CUBN: variants seen among roughly 807,000 people sequenced by gnomAD.
CUBN encodes 460 kDa receptor.
A neutral mutation model predicts 405.3 loss-of-function variants in CUBN; 282 were observed. The observed-to-expected ratio is 0.70, with a 90% CI of 0.63 to 0.77. The LOEUF is 0.77. Ranked by LOEUF, CUBN falls within the 30% of genes least tolerant of loss-of-function variation. CUBN has a pLI of 0.00. For missense variants in CUBN, 4,514 were observed against 4,475.2 expected (o/e 1.01, Z -0.25); for synonymous variants, 1,684 against 1,617.0 (o/e 1.04, Z -0.99).
At position 16,876,917 on chromosome 10, in the gene CUBN, T is replaced by C. The variant is rs772238354; in HGVS notation, c.9086A>G (p.Lys3029Arg). ...CTCACAGATTATCCTATAGGAAAAC[T>C]TGAATCCGAAGTCTGTGATTTGCTC... Reference protein sequence around the residue: ...SNEQITDFGFKFSYRIISCGG... With the variant: ...SNEQITDFGFRFSYRIISCGG... Residue 3029 changes from lysine to arginine, a missense_variant, in exon 57 of 67, where the codon AAG becomes AGG. Coordinates refer to ENST00000377833, the MANE Select transcript of CUBN (RefSeq NM_001081.4). 3 of 1,614,124 alleles carry C rather than the reference T, an allele frequency of 1.9e-6. No homozygotes were observed. In the South Asian group the frequency reaches 3.3e-5, roughly 18 times the overall value.
chr10:17,092,541 G>C (rs752461482), intron 14 of CUBN, among the ~76,000 whole-genome samples: 39 of 152,120 alleles, frequency 2.6e-4, no homozygotes, highest in Non-Finnish European at 5.3e-4. Context: ...AGTAGAGAAG[G>C]CAGTCAAACA....
At chr10:17,072,473 C>G (rs971732314) in intron 17 of CUBN, among the ~76,000 whole-genome samples, 1 of 152,066 alleles carries the variant, frequency 6.6e-6, no homozygotes, top group Non-Finnish European at 1.5e-5. Flanking sequence ...GTGGCACACA[C>G]CTATTATCTG....
At chr10:16,862,571 T>C (rs984364864) in intron 59 of CUBN, among the ~76,000 whole-genome samples, 20 of 152,204 alleles carry the variant, frequency 1.3e-4, no homozygotes, top group African/African-American at 4.6e-4. Context: ...ACTTTTCACA[T>C]ATTAGAATGA....
intron 28 of CUBN, among the ~76,000 whole-genome samples, chr10:17,019,516 A>C (rs1289297640): frequency 1.3e-5 from 2 of 152,186 alleles, no homozygotes; most frequent in Non-Finnish European, 2.9e-5. Context: ...ACTTGCAGTT[A>C]GCTTGCTATA....
At chr10:16,928,432 C>T (rs2131586982) in intron 40 of CUBN, 129 bp from the exon 41 acceptor site, 2 of 998,734 alleles carry the variant, frequency 2.0e-6, no homozygotes, top group South Asian at 2.8e-5. Context: ...ATAATGGGAT[C>T]CTCAAAAAGA....
chr10:16,916,771 A>G (rs1195546558), intron 45 of CUBN, among the ~76,000 whole-genome samples: 1 of 151,642 alleles, frequency 6.6e-6, no homozygotes, highest in Non-Finnish European at 1.5e-5. Flanking sequence ...GGAAATCAAA[A>G]TGCTGAAGAG....
intron 28 of CUBN, among the ~76,000 whole-genome samples, 194 bp from the exon 29 acceptor site, chr10:16,990,709 T>A (rs1833560113): frequency 6.6e-6 from 1 of 152,222 alleles, no homozygotes; most frequent in South Asian, 2.1e-4. Context: ...ACTTATTAAG[T>A]TTATCCTTTC....
At chr10:16,840,579 G>A (rs1205972576) in intron 61 of CUBN, 44 bp from the exon 62 acceptor site, 1 of 1,460,310 alleles carries the variant, frequency 6.8e-7, no homozygotes, top group South Asian at 1.2e-5. Context: ...TTTTATTCAT[G>A]TCTCATCTCA....
intron 59 of CUBN, among the ~76,000 whole-genome samples, chr10:16,854,378 A>T (rs963700150): frequency 2.6e-5 from 4 of 152,198 alleles, no homozygotes; most frequent in African/African-American, 9.6e-5. Flanking sequence ...TGGCTGTCAG[A>T]CTGTGTTCTT....
At chr10:16,834,791 C>T (rs1564376178) in intron 64 of CUBN, among the ~76,000 whole-genome samples, 1 of 152,176 alleles carries the variant, frequency 6.6e-6, no homozygotes, top group Non-Finnish European at 1.5e-5. Flanking sequence ...CCCCATCTGT[C>T]CTTCCTGCCA....
At chr10:17,106,616 C>G (rs1386436097) in intron 10 of CUBN, among the ~76,000 whole-genome samples, 1 of 140,350 alleles carries the variant, frequency 7.1e-6, no homozygotes, top group Non-Finnish European at 1.6e-5. Flanking sequence ...AAAAAAAAAG[C>G]CCTATATAGG....
At chr10:17,067,987 T>C (rs1835649829) in intron 21 of CUBN, 77 bp downstream of exon 21, 4 of 1,191,014 alleles carry the variant, frequency 3.4e-6, no homozygotes, top group Non-Finnish European at 3.7e-6. Flanking sequence ...CACAACGTGG[T>C]CAATTTTAAG....
intron 14 of CUBN, among the ~76,000 whole-genome samples, chr10:17,097,201 C>A (rs1014005568): frequency 1.3e-5 from 2 of 151,832 alleles, no homozygotes; most frequent in African/African-American, 2.4e-5. Context: ...CTTGGTAAGA[C>A]TTATCAAGGT....
chr10:16,959,628 C>CA lies in CUBN; in HGVS notation c.4696-5081dup, dbSNP rs537012370. ...GGGCAACAAGAGCAAAACTCCGTCT[C>CA]AAAAAAAAAAAAAGACAAAAAACAA... On this transcript the variant is annotated intron_variant, in intron 31 of 66. Coordinates refer to ENST00000377833, the MANE Select transcript of CUBN (RefSeq NM_001081.4). 4.3e-3 allele frequency among the ~76,000 whole-genome samples: 490 copies of CA among 114,474 alleles called. 1 individual carries two copies. The highest frequency in any genetic ancestry group is 0.011 in the African/African-American group (331 of 31,106). The allele number at this position is 114,474 out of a possible 152,430, so 75.1% of individuals were successfully genotyped here. A position where few individuals can be genotyped will look rare whatever the true frequency, so the allele number is the denominator to read the frequency against.
chr10:16,943,701 T>C (rs562052823), intron 36 of CUBN, among the ~76,000 whole-genome samples: 1 of 152,158 alleles, frequency 6.6e-6, no homozygotes, highest in Non-Finnish European at 1.5e-5. Context: ...GGAGAGCTTG[T>C]TTGAAACAAG....
rs879308596 is a variant in CUBN at position 17,087,466 on chromosome 10, C to CTTTT, written c.1947+694_1947+697dup. 4.3e-4 allele frequency among the ~76,000 whole-genome samples: 34 copies of CTTTT among 79,780 alleles called. 1 individual carries two copies. The highest frequency in any genetic ancestry group is 1.9e-3 in the Admixed American group (11 of 5,910). The allele number at this position is 79,780 out of a possible 152,430, so 52.3% of individuals were successfully genotyped here. ...GTTCAACACAATCACTATTATTTTT[C>CTTTT]TTTTTCTTTTTTTTTTTTTTTTTTT... On this transcript the variant is annotated intron_variant, in intron 15 of 66. Coordinates refer to ENST00000377833, the MANE Select transcript of CUBN (RefSeq NM_001081.4).
intron 32 of CUBN, among the ~76,000 whole-genome samples, chr10:16,953,696 GA>G (rs1305793015): frequency 1.3e-5 from 2 of 151,448 alleles, no homozygotes; most frequent in African/African-American, 4.9e-5. Flanking sequence ...CTCTAAAAAA[GA>G]AAAAAAATAG....
intron 56 of CUBN, among the ~76,000 whole-genome samples, chr10:16,877,316 CT>C (rs1387524269): frequency 1.3e-5 from 2 of 152,210 alleles, no homozygotes; most frequent in Non-Finnish European, 2.9e-5. Flanking sequence ...ACAGTAGACA[CT>C]TTCCACCTTG....
rs549413310 is a variant in CUBN, at chr10:16,890,426, G to C, written c.8700C>G (p.Ala2900=). ...CTGGTGCCTCCTGAGACTGGAAGAC[G>C]GCAGTGAATGTGTTACTTGGTGTGA... The part of the protein sequence containing the change: ...PVITPSNTFT[A]VFQSQEAPAQ... The change falls in exon 55 of 67, where the codon GCC becomes GCG. Residue 2900 remains alanine, a synonymous_variant. Coordinates refer to ENST00000377833, the MANE Select transcript of CUBN (RefSeq NM_001081.4). 16 of 1,614,014 alleles carry C rather than the reference G, an allele frequency of 9.9e-6. No individual in the cohort carries two copies. The highest frequency in any genetic ancestry group is 1.7e-4 in the Middle Eastern group (1 of 6,012).
Sources: allele counts gnomAD v4.1 joint callset (sites outside exome capture counted in the v4.1 genomes callset), GRCh38; gene constraint gnomAD v4.1.1; transcripts MANE v1.5; gene names NCBI Gene and HGNC (gene_info 2026-07-23, HGNC 2026-07-21).